PRRC2C: variants seen among roughly 807,000 people sequenced by gnomAD.
PRRC2C encodes the protein protein PRRC2C.
A neutral mutation model predicts 317.2 loss-of-function variants in PRRC2C; 72 were observed. The observed-to-expected ratio is 0.23, with a 90% CI of 0.19 to 0.28. The LOEUF is 0.28. PRRC2C is among the 10% of genes least tolerant of loss of function. The pLI, the probability that PRRC2C is intolerant of heterozygous loss-of-function variation, is 1.00. For missense variants in PRRC2C, 3,074 were observed against 3,459.7 expected, an observed-to-expected ratio of 0.89 and a Z score of 2.80; for synonymous variants, 1,296 against 1,205.9, an observed-to-expected ratio of 1.07 and a Z score of -1.55.
intron 26 of PRRC2C, among the ~76,000 whole-genome samples, chr1:171,578,049 G>A (rs920012830): frequency 6.7e-6 from 1 of 149,092 alleles, no homozygotes; most frequent in Non-Finnish European, 1.5e-5. Flanking sequence ...TCCTGCCTCA[G>A]CCTCCCAAAG....
chr1:171,488,577 C>T (rs2102007782), intron 1 of PRRC2C, among the ~76,000 whole-genome samples: 1 of 152,302 alleles, frequency 6.6e-6, no homozygotes, highest in East Asian at 1.9e-4. Context: ...AATCTCCTGC[C>T]TCAGCCTCCC....
At position 171,515,765 on chromosome 1, in the gene PRRC2C, A is replaced by G; in HGVS notation, c.432A>G (p.Glu144=). 1 of 1,610,232 alleles carries G rather than the reference A, an allele frequency of 6.2e-7. No homozygotes were observed. Among genetic ancestry groups the G allele is most frequent in the Middle Eastern group, 1.7e-4 (1 of 6,046 alleles). ...AAGTGAATAGTCAGTTTCAGCAAGA[A>G]TTTCCCAGCCTGCAGGCAGCTGGGG... ...GIQVNSQFQQ[E]FPSLQAAGDQ... is the part of the protein sequence containing the mutation. Residue 144 remains glutamate (E), a synonymous_variant, in exon 5 of 35, where the codon GAA becomes GAG. Transcript: ENST00000647382.
At chr1:171,524,733 C>T (rs1674250932) in intron 9 of PRRC2C, 88 bp from the exon 10 acceptor site, 3 of 1,322,390 alleles carry the variant, frequency 2.3e-6, no homozygotes, top group Admixed American at 3.0e-5. Flanking sequence ...AGAAACCATA[C>T]AGAAATAATT....
intron 20 of PRRC2C, among the ~76,000 whole-genome samples, chr1:171,564,707 C>T (rs1683322920): frequency 1.3e-5 from 2 of 152,106 alleles, no homozygotes; most frequent in South Asian, 4.1e-4. Context: ...CACTGAATAC[C>T]GTAGGCAGTT....
At chr1:171,510,492 T>G (rs1571673742) in intron 1 of PRRC2C, 1 of 152,234 alleles carries the variant, frequency 6.6e-6, no homozygotes, top group African/African-American at 2.4e-5. Context: ...CTTTTGTCAC[T>G]GTAGATGAAT....
At chr1:171,549,267 C>T (rs1431114731) in intron 17 of PRRC2C, among the ~76,000 whole-genome samples, 2 of 152,124 alleles carry the variant, frequency 1.3e-5, no homozygotes, top group African/African-American at 2.4e-5. Context: ...AAACTGTTGG[C>T]CTGAAATGGT....
chr1:171,525,675 G>A (rs1017538726), intron 10 of PRRC2C, among the ~76,000 whole-genome samples: 11 of 152,164 alleles, frequency 7.2e-5, no homozygotes, highest in East Asian at 3.9e-4. Context: ...GCTAAGTGGC[G>A]TAATCATAGA....
chr1:171,586,481 C>T (rs1258568550), intron 30 of PRRC2C, among the ~76,000 whole-genome samples: 1 of 151,750 alleles, frequency 6.6e-6, no homozygotes. Context: ...TAGAGATACT[C>T]AACTTGTCAT....
chr1:171,547,887 A>G (rs921624365), intron 17 of PRRC2C, among the ~76,000 whole-genome samples: 1 of 152,100 alleles, frequency 6.6e-6, no homozygotes, highest in Non-Finnish European at 1.5e-5. Flanking sequence ...TCCTGACTTC[A>G]AGTGATCCGC....
intron 7 of PRRC2C, 144 bp from the exon 8 acceptor site, chr1:171,523,077 C>A: frequency 1.5e-6 from 1 of 685,032 alleles, no homozygotes; most frequent in Non-Finnish European, 2.3e-6. Context: ...TTAATTTTTT[C>A]ATACACATGT....
chr1:171,587,549 C>T, intron 31 of PRRC2C, 99 bp from the exon 32 acceptor site: 1 of 814,562 alleles, frequency 1.2e-6, no homozygotes, highest in Non-Finnish European at 1.9e-6. Context: ...AGGTTCTTTG[C>T]CCTTTCCTAG....
At position 171,579,815 on chromosome 1, in the gene PRRC2C, C is replaced by T. The variant is rs772610032; in HGVS notation, c.7273-13C>T. The T allele has an allele frequency of 2.6e-6, 4 of 1,527,860 alleles. No individual in the cohort carries two copies. In the Admixed American group the frequency reaches 9.0e-5, roughly 34 times the overall value. 94.6% of individuals were successfully genotyped at this position (1,527,860 alleles called of 1,614,324 possible). ...TGATATATATGTTTACATACTTTCT[C>T]AATGCATTGCAGCCAACTTCAGTTC... is the stretch of plus-strand genomic sequence containing the variant. On this transcript the variant is annotated splice_polypyrimidine_tract_variant and intron_variant, in intron 27 of 34. Coordinates refer to ENST00000647382, the MANE Select transcript of PRRC2C (RefSeq NM_001387844.1).
At chr1:171,561,345 CTG>C (rs1283487996) in intron 20 of PRRC2C, among the ~76,000 whole-genome samples, 1 of 152,100 alleles carries the variant, frequency 6.6e-6, no homozygotes, top group Non-Finnish European at 1.5e-5. Flanking sequence ...CTCAGCTACT[CTG>C]GAGCTGAGGT....
In PRRC2C at chr1:171,513,179, C is replaced by A; in HGVS notation, c.290+7C>A. The A allele has an allele frequency of 6.2e-7, 1 of 1,604,636 alleles. No homozygotes were observed. Among genetic ancestry groups the A allele is most frequent in the South Asian group, 1.1e-5 (1 of 89,314 alleles). On this transcript the variant is annotated splice_region_variant and intron_variant, in intron 3 of 34. Transcript: ENST00000647382. ...AGCAACATGAAGAAGAAAAGTGAGTCAAAGTCTGTTAAAGAATGAAGCCCT... is the reference window on the plus strand; with the variant it reads ...AGCAACATGAAGAAGAAAAGTGAGTAAAAGTCTGTTAAAGAATGAAGCCCT...
At chr1:171,582,057 A>G (rs1016713112) in intron 28 of PRRC2C, among the ~76,000 whole-genome samples, 2 of 152,022 alleles carry the variant, frequency 1.3e-5, no homozygotes, top group Non-Finnish European at 2.9e-5. Flanking sequence ...TTCATGGGTA[A>G]CTCTGACATG....
chr1:171,496,556 T>A (rs1321512766), intron 1 of PRRC2C, among the ~76,000 whole-genome samples: 3 of 152,112 alleles, frequency 2.0e-5, no homozygotes, highest in African/African-American at 7.2e-5. Context: ...ACCATATTCC[T>A]TCATTCAGAT....
At position 171,523,244 on chromosome 1, in the gene PRRC2C, C is replaced by T. The variant is rs1673947111; in HGVS notation, c.857C>T (p.Pro286Leu). Residue 286 changes from proline to leucine, a missense_variant, in exon 8 of 35, where the codon CCT becomes CTT. Pro to Leu is a moderately conservative substitution (Grantham distance 98). Around this residue, in one of 11 missense-constraint regions of PRRC2C, gnomAD observed 50 missense variants for 88.3 expected, o/e 0.57. Coordinates refer to ENST00000647382, the MANE Select transcript of PRRC2C (RefSeq NM_001387844.1). ...TNKGLRGRGP[P>L]PSWASEPERP... Reference sequence around the variant, plus strand: ...AGAGGCCTTCGAGGAAGAGGCCCACCTCCTTCATGGGCCTCTGAGCCTGAA... The same window carrying T: ...AGAGGCCTTCGAGGAAGAGGCCCACTTCCTTCATGGGCCTCTGAGCCTGAA... 6.2e-7 allele frequency: 1 copy of T among 1,612,672 alleles called. No individual in the cohort carries two copies. Among genetic ancestry groups the T allele is most frequent in the South Asian group, 1.1e-5 (1 of 90,886 alleles).
chr1:171,589,654 A>T (rs1235669705), intron 34 of PRRC2C, 49 bp downstream of exon 34: 2 of 1,213,260 alleles, frequency 1.6e-6, no homozygotes, highest in Non-Finnish European at 2.2e-6. Flanking sequence ...TCTCTGAACC[A>T]TGTCTTAAAA....
chr1:171,585,059 G>C (rs1200624762), intron 30 of PRRC2C, among the ~76,000 whole-genome samples: 1 of 152,062 alleles, frequency 6.6e-6, no homozygotes, highest in African/African-American at 2.4e-5. Context: ...TTACAGGCTT[G>C]AGCCACCACA....
Sources: allele counts gnomAD v4.1 joint callset (sites outside exome capture counted in the v4.1 genomes callset), GRCh38; gene constraint gnomAD v4.1.1; regional missense constraint gnomAD v4.1.1; transcripts MANE v1.5; gene names NCBI Gene and HGNC (gene_info 2026-07-23, HGNC 2026-07-21).